Variants in ENTREP2 observed in about 807,000 individuals in gnomAD.
ENTREP2 encodes the protein endosomal transmembrane epsin interactor 2, also known as protein ENTREP2.
the ENTREP2 span, among the ~76,000 whole-genome samples, chr15:29,166,776 C>T: frequency 6.6e-6 from 1 of 152,130 alleles, no homozygotes; most frequent in Non-Finnish European, 1.5e-5. Context: ...TTGCAATCCC[C>T]ATCAAAATAC....
the ENTREP2 span, among the ~76,000 whole-genome samples, chr15:29,592,504 G>A: frequency 6.6e-6 from 1 of 151,970 alleles, no homozygotes; most frequent in Non-Finnish European, 1.5e-5. Flanking sequence ...CCAAATTCAA[G>A]CTCACTCCCA....
the ENTREP2 span, among the ~76,000 whole-genome samples, chr15:29,651,674 G>A: frequency 1.3e-5 from 2 of 152,228 alleles, no homozygotes; most frequent in African/African-American, 2.4e-5. Context: ...GCATGGTTGG[G>A]GCCAAGCCCA....
the ENTREP2 span, among the ~76,000 whole-genome samples, chr15:29,317,742 T>C: frequency 2.0e-5 from 3 of 152,184 alleles, no homozygotes; most frequent in South Asian, 2.1e-4. Context: ...ATTGAACTTA[T>C]GGCTGTTGAG....
chr15:29,340,777 G>T, the ENTREP2 span, among the ~76,000 whole-genome samples: 1 of 152,194 alleles, frequency 6.6e-6, no homozygotes, highest in Non-Finnish European at 1.5e-5. Flanking sequence ...GAAATCACAT[G>T]TATGAGAGAT....
the ENTREP2 span, among the ~76,000 whole-genome samples, chr15:29,672,309 A>G: frequency 6.6e-6 from 1 of 152,184 alleles, no homozygotes; most frequent in African/African-American, 2.4e-5. Context: ...TTCTTATCCA[A>G]GGGCCTATGG....
chr15:29,147,572 G>A, the ENTREP2 span, among the ~76,000 whole-genome samples: 20 of 152,206 alleles, frequency 1.3e-4, no homozygotes, highest in African/African-American at 4.3e-4. Flanking sequence ...AAGTGTTGGC[G>A]TGGATGTGAA....
At chr15:29,463,805 T>C in the ENTREP2 span, among the ~76,000 whole-genome samples, 1 of 152,130 alleles carries the variant, frequency 6.6e-6, no homozygotes. Context: ...GGAAATAACA[T>C]AAGTGTCCAT....
chr15:29,394,926 C>T, the ENTREP2 span, among the ~76,000 whole-genome samples: 2 of 130,570 alleles, frequency 1.5e-5, no homozygotes, highest in African/African-American at 6.1e-5. Flanking sequence ...TTTGTTCTGT[C>T]GCCCACGCCG....
chr15:29,457,683 C>T, the ENTREP2 span, among the ~76,000 whole-genome samples: 8 of 152,352 alleles, frequency 5.3e-5, no homozygotes, highest in South Asian at 1.7e-3. Context: ...GGAGGCCTCA[C>T]TTCCCCATCA....
At chr15:29,350,381 T>C in the ENTREP2 span, among the ~76,000 whole-genome samples, 5 of 152,224 alleles carry the variant, frequency 3.3e-5, no homozygotes, top group Non-Finnish European at 7.3e-5. Flanking sequence ...TTCTCTTTTA[T>C]TGTAATCAAT....
the ENTREP2 span, among the ~76,000 whole-genome samples, chr15:29,324,459 AAGAC>A: frequency 1.3e-5 from 2 of 152,134 alleles, no homozygotes; most frequent in Non-Finnish European, 2.9e-5. Flanking sequence ...TCCCAATTAA[AAGAC>A]AGAAACTATC....
the ENTREP2 span, chr15:29,570,647 G>A: frequency 2.2e-6 from 3 of 1,355,400 alleles, no homozygotes; most frequent in South Asian, 1.6e-5. Flanking sequence ...GGAGCGGCCC[G>A]GGCACTCGCG....
the ENTREP2 span, among the ~76,000 whole-genome samples, chr15:29,186,886 G>A: frequency 6.6e-6 from 1 of 152,178 alleles, no homozygotes; most frequent in Non-Finnish European, 1.5e-5. Flanking sequence ...AAGGGTACAG[G>A]TCTTCAGCCA....
chr15:29,322,411 C>T, the ENTREP2 span, among the ~76,000 whole-genome samples: 4 of 152,276 alleles, frequency 2.6e-5, no homozygotes, highest in East Asian at 7.7e-4. Flanking sequence ...ATCCCCTGAC[C>T]AACATCTCCT....
the ENTREP2 span, among the ~76,000 whole-genome samples, chr15:29,136,207 A>G: frequency 6.6e-6 from 1 of 152,190 alleles, no homozygotes; most frequent in Non-Finnish European, 1.5e-5. Flanking sequence ...TTCAAGAGAG[A>G]TGAATGCATC....
At chr15:29,271,386 T>C in the ENTREP2 span, among the ~76,000 whole-genome samples, 2 of 152,178 alleles carry the variant, frequency 1.3e-5, no homozygotes, top group African/African-American at 2.4e-5. Flanking sequence ...ATTGAGGGAA[T>C]AGAGAGACCG....
the ENTREP2 span, among the ~76,000 whole-genome samples, chr15:29,280,157 A>G: frequency 6.6e-6 from 1 of 152,190 alleles, no homozygotes; most frequent in Admixed American, 6.5e-5. Context: ...GTTCAGTTCT[A>G]TTAGATCATT....
the ENTREP2 span, among the ~76,000 whole-genome samples, chr15:29,352,160 C>T: frequency 6.6e-6 from 1 of 152,078 alleles, no homozygotes. Flanking sequence ...GACTCTAACT[C>T]CTGGCTTCAA....
the ENTREP2 span, among the ~76,000 whole-genome samples, chr15:29,223,288 C>T: frequency 4.6e-5 from 7 of 152,148 alleles, no homozygotes; most frequent in Admixed American, 3.9e-4. Context: ...GGGTGGCAGC[C>T]GCTCCCTCCA....
Sources: allele counts gnomAD v4.1 joint callset (sites outside exome capture counted in the v4.1 genomes callset), GRCh38; gene constraint gnomAD v4.1.1; transcripts MANE v1.5; gene names NCBI Gene and HGNC (gene_info 2026-07-23, HGNC 2026-07-21).